Variants in SMG7 observed in about 807,000 individuals in gnomAD.
SMG7 encodes SMG7 nonsense mediated mRNA decay factor.
In SMG7, 34 loss-of-function variants were observed where a neutral mutation model predicts 148.2. The observed-to-expected ratio is 0.23, with a 90% confidence interval of 0.17 to 0.31. The LOEUF is 0.31. Among genes scored for constraint, SMG7 ranks in the 10% least tolerant of loss-of-function variants. SMG7 has a pLI of 1.00. For synonymous variants in SMG7, 492 were observed against 515.1 expected (o/e 0.96, Z 0.61); for missense variants, 1,114 against 1,408.4 (o/e 0.79, Z 3.35).
chr1:183,502,962 T>C (rs1439550426), intron 1 of SMG7, among the ~76,000 whole-genome samples: 1 of 152,220 alleles, frequency 6.6e-6, no homozygotes, highest in Non-Finnish European at 1.5e-5. Flanking sequence ...ATGCAGCTTT[T>C]AACTGAGAGA....
At chr1:183,542,925 ATATGTGTGTG>A (rs1278159345) in intron 14 of SMG7, among the ~76,000 whole-genome samples, 237 of 141,648 alleles carry the variant, frequency 1.7e-3, no homozygotes, top group African/African-American at 5.3e-3. Flanking sequence ...TAATATATAT[ATATGTGTGTG>A]TGTGTGTGTG....
intron 1 of SMG7, among the ~76,000 whole-genome samples, chr1:183,498,734 A>G (rs1319805533): frequency 6.6e-6 from 1 of 152,214 alleles, no homozygotes; most frequent in Non-Finnish European, 1.5e-5. Flanking sequence ...CATTTGTTAT[A>G]ACTCGTGAAC....
intron 1 of SMG7, among the ~76,000 whole-genome samples, chr1:183,511,034 C>T (rs578201554): frequency 5.3e-5 from 8 of 151,856 alleles, no homozygotes; most frequent in Admixed American, 1.3e-4. Context: ...TTGTGGCATG[C>T]GCCTGTAATC....
At chr1:183,474,291 G>T (rs1002550507) in intron 1 of SMG7, among the ~76,000 whole-genome samples, 1 of 152,204 alleles carries the variant, frequency 6.6e-6, no homozygotes, top group African/African-American at 2.4e-5. Context: ...TGCCGGGCAC[G>T]GGGGCTCACG....
At chr1:183,502,073 A>G (rs1349843466) in intron 1 of SMG7, among the ~76,000 whole-genome samples, 1 of 152,218 alleles carries the variant, frequency 6.6e-6, no homozygotes, top group Non-Finnish European at 1.5e-5. Context: ...TTAGAAATAT[A>G]TGAGACAGAA....
At chr1:183,544,228 A>T (rs564268324) in intron 14 of SMG7, 125 bp from the exon 15 acceptor site, 9 of 656,904 alleles carry the variant, frequency 1.4e-5, no homozygotes, top group African/African-American at 8.9e-5. Context: ...AGGTGAATTT[A>T]AATATCTTCA....
intron 1 of SMG7, among the ~76,000 whole-genome samples, chr1:183,496,690 A>G (rs973481080): frequency 6.6e-6 from 1 of 152,072 alleles, no homozygotes; most frequent in Admixed American, 6.5e-5. Flanking sequence ...CTTGTTCTCA[A>G]TCTGTTTACT....
chr1:183,502,410 G>C, intron 1 of SMG7: 2 of 1,522,208 alleles, frequency 1.3e-6, no homozygotes, highest in South Asian at 2.4e-5. Context: ...AAAATTACAA[G>C]GGATTTCTAC....
At chr1:183,486,498 C>T (rs1174614086) in intron 1 of SMG7, among the ~76,000 whole-genome samples, 1 of 152,166 alleles carries the variant, frequency 6.6e-6, no homozygotes, top group Non-Finnish European at 1.5e-5. Flanking sequence ...GCAGCCTCCA[C>T]CTCCTGGGTT....
At position 183,542,084 on chromosome 1, in the gene SMG7, A is replaced by G; in HGVS notation, c.1424A>G (p.Gln475Arg). 3.1e-6 allele frequency: 5 copies of G among 1,607,966 alleles called. No homozygotes were observed. Among genetic ancestry groups the G allele is most frequent in the Non-Finnish European group, 4.3e-6 (5 of 1,176,212 alleles). Residue 475 changes from glutamine (Q) to arginine (R), a missense_variant, in exon 14 of 23, where the codon CAG becomes CGG. Gln to Arg is a conservative substitution (Grantham distance 43, BLOSUM62 1). Transcript: ENST00000688051. ...WIADNQPRLI[Q>R]CENEVGKLLF... ...TATTTTTGCTTTTTTAGGCTGATTC[A>G]GTGTGAAAATGAGGTAGGGAAATTG...
chr1:183,533,584 A>G, intron 9 of SMG7, 92 bp from the exon 10 acceptor site: 1 of 1,121,232 alleles, frequency 8.9e-7, no homozygotes, highest in Non-Finnish European at 1.3e-6. Context: ...CTCAAGTGTT[A>G]AACAGAATAT....
intron 1 of SMG7, among the ~76,000 whole-genome samples, chr1:183,511,603 G>A (rs543546064): frequency 1.3e-5 from 2 of 152,322 alleles, no homozygotes; most frequent in South Asian, 4.1e-4. Context: ...ACTGTCGAAT[G>A]TTGTAGGACA....
Position 183,552,840 on chromosome 1 carries a change from A to G in SMG7, c.*909A>G. ...ATAGGTAGAAGCTTTCAGTGTGGTT[A>G]TTTTTTCTTTGGTTGGTTTTTGTGC... On this transcript the variant is annotated 3_prime_UTR_variant, in exon 23 of 23. Coordinates refer to ENST00000688051, the MANE Select transcript of SMG7 (RefSeq NM_001375584.1). 7.0e-7 allele frequency: 1 copy of G among 1,433,096 alleles called. No homozygotes were observed. Among genetic ancestry groups the G allele is most frequent in the Non-Finnish European group, 9.1e-7 (1 of 1,098,180 alleles). 88.8% of individuals were successfully genotyped at this position (1,433,096 alleles called of 1,614,324 possible).
Position 183,472,648 on chromosome 1 carries a change from C to G in SMG7, c.28C>G (p.Arg10Gly), listed in dbSNP as rs1650934062. Residue 10 changes from arginine (R) to glycine (G), a missense_variant and splice_region_variant, in exon 1 of 23, where the codon CGG becomes GGG. Coordinates refer to ENST00000688051, the MANE Select transcript of SMG7 (RefSeq NM_001375584.1). MSLQSAQYLRQAEVLKADMT... is the reference protein window; with the variant it reads MSLQSAQYLGQAEVLKADMT... ...GAGCCTGCAGAGCGCGCAGTACCTC[C>G]GGTGAGTGCCGAGGCCGGGCTGGTA... 3 of 1,470,998 alleles carry G rather than the reference C, an allele frequency of 2.0e-6. 1 individual carries two copies. The South Asian group carries it at 4.0e-5, about 20-fold the overall frequency. The allele number at this position is 1,470,998 out of a possible 1,614,324, so 91.1% of individuals were successfully genotyped here. A position where few individuals can be genotyped will look rare whatever the true frequency, so the allele number is the denominator to read the frequency against.
rs1417336326 is a variant in SMG7 at position 183,552,087 on chromosome 1, G to A, written c.*156G>A. ...TTCCACCAGCCCGCTGAGTGTGCAC[G>A]AAATGTTCGCAGTGCAACAAAAAGA... On this transcript the variant is annotated 3_prime_UTR_variant, in exon 23 of 23. Transcript: ENST00000688051. The A allele has an allele frequency of 8.3e-6, 11 of 1,321,844 alleles. No individual in the cohort carries two copies. In the Admixed American group the frequency reaches 1.0e-4, roughly 12 times the overall value. 81.9% of individuals were successfully genotyped at this position (1,321,844 alleles called of 1,614,324 possible).
At chr1:183,494,672 A>AT (rs1485350219) in intron 1 of SMG7, among the ~76,000 whole-genome samples, 2 of 138,488 alleles carry the variant, frequency 1.4e-5, no homozygotes, top group African/African-American at 2.7e-5. Flanking sequence ...ATAGATTGGC[A>AT]TTTTTTCCCT....
intron 14 of SMG7, among the ~76,000 whole-genome samples, chr1:183,543,059 T>C (rs1192227067): frequency 6.6e-6 from 1 of 151,974 alleles, no homozygotes; most frequent in African/African-American, 2.4e-5. Context: ...AATCTTATCC[T>C]GGATCCTGGG....
In SMG7 at chr1:183,536,206, CT is replaced by C. The variant is rs1320108378; in HGVS notation, c.1164-938del. Among the ~76,000 whole-genome samples, 17 of 152,128 alleles carry C rather than the reference CT, an allele frequency of 1.1e-4. 1 individual carries two copies. Among genetic ancestry groups the C allele is most frequent in the Admixed American group, 9.8e-4 (15 of 15,282 alleles). On this transcript the variant is annotated intron_variant, in intron 10 of 22. Transcript: ENST00000688051. ...GAATGTGATTAGACAGATGAGTCTA[CT>C]GTAGGAAAATCAAAGTAATTGTTTC...
intron 3 of SMG7, among the ~76,000 whole-genome samples, chr1:183,516,371 G>A (rs577538674): frequency 1.3e-5 from 2 of 152,048 alleles, no homozygotes; most frequent in African/African-American, 4.8e-5. Flanking sequence ...TTTGTTAAAC[G>A]TGATTCTATA....
Sources: allele counts gnomAD v4.1 joint callset (sites outside exome capture counted in the v4.1 genomes callset), GRCh38; gene constraint gnomAD v4.1.1; transcripts MANE v1.5; gene names NCBI Gene and HGNC (gene_info 2026-07-23, HGNC 2026-07-21).